The following IKZF1 variants were observed in gnomAD, a reference collection of about 807,000 sequenced individuals.
IKZF1 encodes IKAROS family zinc finger 1, also known as DNA-binding protein Ikaros.
IKZF1 carries 10 observed loss-of-function variants against 51.7 expected under a neutral mutation model. That is an observed-to-expected ratio of 0.19 (90% CI 0.12 to 0.33). IKZF1 has a LOEUF of 0.33. Among genes scored for constraint, IKZF1 ranks in the 10% least tolerant of loss-of-function variants. The probability of loss-of-function intolerance (pLI) is 1.00; values close to 1 mark genes in which losing one functional copy is unlikely to be tolerated. For synonymous variants in IKZF1, 280 were observed against 282.3 expected, an observed-to-expected ratio of 0.99 and a Z score of 0.08; for missense variants, 484 against 707.5, an observed-to-expected ratio of 0.68 and a Z score of 3.58.
chr7:50,397,031 G>A (rs1816893906), intron 7 of IKZF1, among the ~76,000 whole-genome samples: 1 of 152,190 alleles, frequency 6.6e-6, no homozygotes. Flanking sequence ...TTTCTGATCA[G>A]AACAGGGAAA....
intron 3 of IKZF1, among the ~76,000 whole-genome samples, chr7:50,375,273 A>T (rs1390280202): frequency 6.6e-6 from 1 of 152,192 alleles, no homozygotes; most frequent in Non-Finnish European, 1.5e-5. Flanking sequence ...CACCAAAAAA[A>T]AATGGCTGGA....
At chr7:50,324,359 C>T (rs774683567) in intron 2 of IKZF1, among the ~76,000 whole-genome samples, 3 of 152,150 alleles carry the variant, frequency 2.0e-5, no homozygotes, top group Non-Finnish European at 4.4e-5. Context: ...TCAGGCAAGG[C>T]GAGCTTGAAT....
intron 1 of IKZF1, among the ~76,000 whole-genome samples, chr7:50,315,919 G>A (rs528712155): frequency 3.3e-5 from 5 of 152,208 alleles, no homozygotes; most frequent in African/African-American, 2.4e-5. Context: ...CCGAAGTGAT[G>A]CACGTGCTAA....
chr7:50,309,365 T>TAAAAAAAAAAAAA (rs1789607924), intron 1 of IKZF1, among the ~76,000 whole-genome samples: 1 of 152,178 alleles, frequency 6.6e-6, no homozygotes, highest in Non-Finnish European at 1.5e-5. Context: ...CAATGTGGTC[T>TAAAAAAAAAAAAA]TGTCTGTCTG....
At chr7:50,373,497 T>C (rs577655027) in intron 3 of IKZF1, among the ~76,000 whole-genome samples, 32 of 152,306 alleles carry the variant, frequency 2.1e-4, no homozygotes, top group African/African-American at 7.0e-4. Context: ...ATTATCCCAA[T>C]GCCTGTTCTG....
chr7:50,321,638 G>C (rs1190067580), intron 2 of IKZF1, among the ~76,000 whole-genome samples: 1 of 151,866 alleles, frequency 6.6e-6, no homozygotes, highest in Non-Finnish European at 1.5e-5. Context: ...GCCAATGCAG[G>C]AGTCTACACT....
chr7:50,382,715 C>G lies in IKZF1; in HGVS notation c.589+8C>G, dbSNP rs766714615. 2.9e-5 allele frequency: 46 copies of G among 1,602,690 alleles called. No homozygotes were observed. In the South Asian group the frequency reaches 4.1e-4, roughly 14 times the overall value. ...ACCTGAGGACGCACTCCGGTAGGTC[C>G]CCTGGATGCAGTCCGGGGCTGTCTG... On this transcript the variant is annotated splice_region_variant and intron_variant, in intron 5 of 7. Coordinates refer to ENST00000331340, the MANE Select transcript of IKZF1 (RefSeq NM_006060.6).
At chr7:50,367,313 T>C (rs12534206) in intron 3 of IKZF1, among the ~76,000 whole-genome samples, 3,218 of 152,032 alleles carry the variant, frequency 0.021, 279 homozygotes, top group East Asian at 0.16. Context: ...GGAAAGATTG[T>C]GCGTGTGTGT....
At chr7:50,375,717 C>CAA (rs1810080719) in intron 3 of IKZF1, among the ~76,000 whole-genome samples, 2 of 130,012 alleles carry the variant, frequency 1.5e-5, no homozygotes, top group African/African-American at 5.8e-5. Context: ...CCCCCCCCCC[C>CAA]ACCCACCACC....
intron 6 of IKZF1, 113 bp downstream of exon 6, chr7:50,387,583 G>C: frequency 1.5e-6 from 2 of 1,376,326 alleles, no homozygotes; most frequent in Non-Finnish European, 1.9e-6. Flanking sequence ...GCTTCCTGCC[G>C]GGGCTAGGAG....
intron 1 of IKZF1, among the ~76,000 whole-genome samples, chr7:50,310,739 A>G (rs1789975191): frequency 6.6e-6 from 1 of 152,232 alleles, no homozygotes; most frequent in African/African-American, 2.4e-5. Context: ...CTTTCTTGCT[A>G]ACAGGATCCA....
In IKZF1 at chr7:50,376,483, G is replaced by GT. The variant is rs112450927; in HGVS notation, c.161-40dup. ...TTTTGCTGCTGTGTTGTTTTGTTGA[G>GT]TTTTTTTTTTGCAATGACACTGAGT... On this transcript the variant is annotated intron_variant, in intron 3 of 7. Coordinates refer to ENST00000331340, the MANE Select transcript of IKZF1 (RefSeq NM_006060.6). This position sits in a 1 kb window ranked among gnomAD's most constrained non-coding sequence, Gnocchi z 4.5. The GT allele has an allele frequency of 0.014, 16,096 of 1,142,750 alleles. 3 individuals carry two copies. The highest frequency in any genetic ancestry group is 0.025 in the South Asian group (1,436 of 57,644). The allele number at this position is 1,142,750 out of a possible 1,614,324, so 70.8% of individuals were successfully genotyped here.
intron 6 of IKZF1, among the ~76,000 whole-genome samples, chr7:50,387,767 A>ATGT (rs1813838062): frequency 6.6e-6 from 1 of 152,114 alleles, no homozygotes; most frequent in Non-Finnish European, 1.5e-5. Flanking sequence ...TGTTTTTTGG[A>ATGT]TGTTGGTGAT....
intron 7 of IKZF1, among the ~76,000 whole-genome samples, chr7:50,394,570 G>A (rs1386651034): frequency 6.6e-6 from 1 of 152,198 alleles, no homozygotes; most frequent in Non-Finnish European, 1.5e-5. Flanking sequence ...TCTGTGGAAT[G>A]GGTGTGGGTC....
At chr7:50,379,723 A>G (rs1382560788) in intron 4 of IKZF1, among the ~76,000 whole-genome samples, 3 of 152,210 alleles carry the variant, frequency 2.0e-5, no homozygotes, top group Non-Finnish European at 4.4e-5. Context: ...CAGCACCCTA[A>G]TGGCACTGCT....
chr7:50,326,184 T>A (rs570024438), intron 2 of IKZF1, among the ~76,000 whole-genome samples: 1 of 152,240 alleles, frequency 6.6e-6, no homozygotes, highest in African/African-American at 2.4e-5. Flanking sequence ...ATTACTCTTG[T>A]GGAAGGTTTA....
chr7:50,400,340 G>A lies in IKZF1; in HGVS notation c.1273G>A (p.Gly425Arg), dbSNP rs1459868445. The A allele has an allele frequency of 1.2e-6, 2 of 1,612,718 alleles. No individual in the cohort carries two copies. Among genetic ancestry groups the A allele is most frequent in the Non-Finnish European group, 1.7e-6 (2 of 1,179,722 alleles). The change falls in exon 8 of 8, where the codon GGG becomes AGG. Residue 425 changes from glycine (G) to arginine (R), a missense_variant. Transcript: ENST00000331340. This position sits in a 1 kb window ranked among gnomAD's most constrained non-coding sequence, Gnocchi z 5.4. ...TNHIAPHARN[G>R]LSLKEEHRAY... The stretch of plus-strand genomic sequence containing the variant: ...CCACATCGCCCCGCACGCGCGCAAC[G>A]GGCTGTCGCTCAAGGAGGAGCACCG...
At chr7:50,373,387 A>T (rs1809289548) in intron 3 of IKZF1, among the ~76,000 whole-genome samples, 1 of 152,190 alleles carries the variant, frequency 6.6e-6, no homozygotes, top group Non-Finnish European at 1.5e-5. Flanking sequence ...GCAAGTTCTA[A>T]TAGGCCATAT....
chr7:50,399,978 A>T lies in IKZF1; in HGVS notation c.911A>T (p.Glu304Val). 12 of 1,613,604 alleles carry T rather than the reference A, an allele frequency of 7.4e-6. No homozygotes were observed. Among genetic ancestry groups the T allele is most frequent in the Non-Finnish European group, 1.0e-5 (12 of 1,179,790 alleles). Residue 304 changes from glutamate to valine, a missense_variant, in exon 8 of 8, where the codon GAA becomes GTA. By Grantham distance (121) the Glu-to-Val change is moderately radical. This residue lies in a region of IKZF1 where 172 missense variants were observed against 192.7 expected (regional missense o/e 0.89). Coordinates refer to ENST00000331340, the MANE Select transcript of IKZF1 (RefSeq NM_006060.6). ...DSSASYEKEN[E>V]MMKSHVMDQA... ...AGCGCCAGCTACGAGAAGGAGAACG[A>T]AATGATGAAGTCCCACGTGATGGAC...
Sources: gnomAD v4.1 joint callset for allele counts (sites outside exome capture counted in the v4.1 genomes callset) on GRCh38, gnomAD v4.1.1 for gene constraint, gnomAD v4.1.1 regional missense constraint, Gnocchi (gnomAD v3.1) non-coding constraint, MANE v1.5 for transcripts, NCBI Gene and HGNC (gene_info 2026-07-23, HGNC 2026-07-21) for gene names.